CLDN14: variants seen among roughly 807,000 people sequenced by gnomAD.
The protein encoded by CLDN14 is claudin-14.
CLDN14 carries 2 observed loss-of-function variants against 2.1 expected under a neutral mutation model. That is an observed-to-expected ratio of 0.96 (90% CI 0.39 to 3.01). The LOEUF (loss-of-function observed/expected upper bound fraction) is 3.01. Among genes scored for constraint, CLDN14 ranks in the 30% most tolerant of loss-of-function variants. The pLI, the probability that CLDN14 is intolerant of heterozygous loss-of-function variation, is 0.09. For missense variants in CLDN14, 298 were observed against 328.0 expected (o/e 0.91, Z 0.71); for synonymous variants, 136 against 154.4 (o/e 0.88, Z 0.88).
intron 1 of CLDN14, among the ~76,000 whole-genome samples, chr21:36,528,752 T>C (rs976556817): frequency 6.6e-6 from 1 of 152,218 alleles, no homozygotes; most frequent in Non-Finnish European, 1.5e-5. Flanking sequence ...AAGAATCTGC[T>C]TGTTGGAGGC....
At chr21:36,561,742 G>C (rs2087636454) in intron 1 of CLDN14, among the ~76,000 whole-genome samples, 1 of 152,142 alleles carries the variant, frequency 6.6e-6, no homozygotes, top group African/African-American at 2.4e-5. Context: ...GCCAGGAGAG[G>C]TGTATTAAGA....
chr21:36,523,823 G>GAAAGA (rs1555851407), intron 1 of CLDN14, among the ~76,000 whole-genome samples: 16 of 142,912 alleles, frequency 1.1e-4, no homozygotes, highest in African/African-American at 4.2e-4. Context: ...AAGAAAGAAA[G>GAAAGA]AAAGAAAGAA....
At position 36,554,087 on chromosome 21, in the gene CLDN14, C is replaced by T. The variant is rs115784742; in HGVS notation, c.-220+22324G>A. ...GCCTTGCCCCTGCCCAAGTCCATGC[C>T]TCTGTCTGTAAGTTCCCCAGTAAGC... On this transcript the variant is annotated intron_variant, in intron 1 of 2. Coordinates refer to the CLDN14 transcript ENST00000342108. Among the ~76,000 whole-genome samples the T allele has an allele frequency of 8.4e-3, 1,284 of 152,234 alleles. 25 individuals carry two copies. Among genetic ancestry groups the T allele is most frequent in the African/African-American group, 0.029 (1,207 of 41,538 alleles).
In CLDN14 at chr21:36,495,845, G is replaced by T. The variant is rs148638188; in HGVS notation, c.-82+14518C>A. On this transcript the variant is annotated intron_variant, in intron 2 of 2. Transcript: ENST00000342108. ...GGGTGGTCCCTACACCAATGCCACT[G>T]GTGTCCTTATAAGAGCAGAGGAGAC... 4.5e-3 allele frequency among the ~76,000 whole-genome samples: 692 copies of T among 152,280 alleles called. 5 individuals are homozygous for T. Among genetic ancestry groups the T allele is most frequent in the South Asian group, 0.019 (94 of 4,830 alleles).
chr21:36,564,648 C>A (rs382937), intron 1 of CLDN14, among the ~76,000 whole-genome samples: 1 of 152,034 alleles, frequency 6.6e-6, no homozygotes, highest in Non-Finnish European at 1.5e-5. Context: ...CCACCAAAGA[C>A]GCCCATGCCC....
chr21:36,549,752 T>C lies in CLDN14; in HGVS notation c.-220+26659A>G, dbSNP rs147482096. ...ACAGTGAGACAAGGGTGGACATCGGTGAACTTCCTCTCTTCCTTCAGGTCT... is the reference window on the plus strand; with the variant it reads ...ACAGTGAGACAAGGGTGGACATCGGCGAACTTCCTCTCTTCCTTCAGGTCT... On this transcript the variant is annotated intron_variant, in intron 1 of 2. Transcript: ENST00000342108. Among the ~76,000 whole-genome samples the C allele has an allele frequency of 8.5e-5, 13 of 152,270 alleles. 1 individual carries two copies. The East Asian group carries it at 2.5e-3, about 29-fold the overall frequency.
intron 2 of CLDN14, among the ~76,000 whole-genome samples, chr21:36,490,405 T>TG (rs2086949235): frequency 6.9e-6 from 1 of 145,898 alleles, no homozygotes; most frequent in Non-Finnish European, 1.5e-5. Flanking sequence ...TTTTTTTTTT[T>TG]TGTGACAGAG....
chr21:36,481,541 A>G (rs973555022), upstream of CLDN14, among the ~76,000 whole-genome samples: 1 of 152,240 alleles, frequency 6.6e-6, no homozygotes, highest in African/African-American at 2.4e-5. Flanking sequence ...AACCCCGCAG[A>G]GAGAAAATGT....
chr21:36,466,488 C>T (rs1157132717), intron 1 of CLDN14: 1 of 152,092 alleles, frequency 6.6e-6, no homozygotes, highest in Non-Finnish European at 1.5e-5. Flanking sequence ...GGGTGAGGCC[C>T]CTTATAAAAC....
At chr21:36,562,313 A>G (rs1479522059) in intron 1 of CLDN14, among the ~76,000 whole-genome samples, 2 of 152,170 alleles carry the variant, frequency 1.3e-5, no homozygotes, top group Non-Finnish European at 2.9e-5. Context: ...GGCAGATTTG[A>G]GTCACCAGGA....
rs114572696 is a variant in CLDN14, at chr21:36,473,846, C to A, written c.-82+5649G>T. Among the ~76,000 whole-genome samples, 873 of 152,248 alleles carry A rather than the reference C, an allele frequency of 5.7e-3. 7 individuals carry two copies. Among genetic ancestry groups the A allele is most frequent in the African/African-American group, 0.02 (815 of 41,546 alleles). ...GAATGGGCGATAGTGAACGGTCAACCCAGAGGAGACTGGTGAGGGAGGACA... is the reference window on the plus strand; with the variant it reads ...GAATGGGCGATAGTGAACGGTCAACACAGAGGAGACTGGTGAGGGAGGACA... On this transcript the variant is annotated intron_variant, in intron 1 of 1. Coordinates refer to ENST00000399135, the MANE Select transcript of CLDN14 (RefSeq NM_001146079.2).
intron 1 of CLDN14, among the ~76,000 whole-genome samples, chr21:36,467,606 C>T (rs981052502): frequency 2.7e-5 from 4 of 150,616 alleles, no homozygotes; most frequent in South Asian, 4.3e-4. Flanking sequence ...TTGGTAAAGG[C>T]GGTGGTGGGG....
At chr21:36,524,155 G>A (rs1424780999) in intron 1 of CLDN14, among the ~76,000 whole-genome samples, 2 of 151,192 alleles carry the variant, frequency 1.3e-5, no homozygotes, top group East Asian at 3.9e-4. Context: ...CACTTGCTCT[G>A]TCGCCCAGGC....
At chr21:36,570,012 A>G (rs1486993040) in intron 1 of CLDN14, among the ~76,000 whole-genome samples, 4 of 152,228 alleles carry the variant, frequency 2.6e-5, no homozygotes, top group African/African-American at 7.2e-5. Flanking sequence ...GTCAGGGTAC[A>G]GCTTGCTCTT....
intron 1 of CLDN14, among the ~76,000 whole-genome samples, chr21:36,476,484 A>T (rs1339166113): frequency 2.0e-5 from 3 of 147,408 alleles, no homozygotes; most frequent in Non-Finnish European, 4.5e-5. Flanking sequence ...TCAGAGTCTC[A>T]CTTTGTCACC....
chr21:36,538,563 G>A (rs1016135530), intron 1 of CLDN14, among the ~76,000 whole-genome samples: 2 of 152,132 alleles, frequency 1.3e-5, no homozygotes, highest in East Asian at 1.9e-4. Context: ...GCAGTGAGCC[G>A]AGATCGCACC....
chr21:36,558,305 T>C (rs1271905841), intron 1 of CLDN14, among the ~76,000 whole-genome samples: 3 of 152,216 alleles, frequency 2.0e-5, no homozygotes, highest in African/African-American at 7.2e-5. Context: ...GGATTTTTTT[T>C]CTGTTTCTTT....
chr21:36,537,936 CCACA>C (rs2087441562), intron 1 of CLDN14, among the ~76,000 whole-genome samples: 1 of 152,098 alleles, frequency 6.6e-6, no homozygotes, highest in Non-Finnish European at 1.5e-5. Flanking sequence ...GCATGAGCCA[CCACA>C]CTCAGCCTAC....
rs143728992 is a variant in CLDN14, at chr21:36,525,655, G to A, written c.-219-15155C>T. Among the ~76,000 whole-genome samples the A allele has an allele frequency of 3.8e-3, 574 of 152,270 alleles. 3 individuals are homozygous for A. The highest frequency in any genetic ancestry group is 0.012 in the African/African-American group (493 of 41,548). On this transcript the variant is annotated intron_variant, in intron 1 of 2. Coordinates refer to the CLDN14 transcript ENST00000342108. ...TGGTGAGCAGCAGGATGGAAAGGGC[G>A]GGTGATGGGTGTGGCAGCCACATGT...
Sources: gnomAD v4.1 joint callset for allele counts (sites outside exome capture counted in the v4.1 genomes callset) on GRCh38, gnomAD v4.1.1 for gene constraint, MANE v1.5 for transcripts, NCBI Gene and HGNC (gene_info 2026-07-23, HGNC 2026-07-21) for gene names.